The following AMOT variants were observed in gnomAD, a reference collection of about 807,000 sequenced individuals.
AMOT encodes the protein angiomotin.
In AMOT, 11 loss-of-function variants were observed where a neutral mutation model predicts 67.0. The ratio of observed to expected loss-of-function variants is 0.16; its 90% CI spans 0.10 to 0.27. The LOEUF (loss-of-function observed/expected upper bound fraction) is 0.27. AMOT is among the 10% of genes least tolerant of loss of function. AMOT has a pLI of 1.00. For synonymous variants in AMOT, 326 were observed against 321.4 expected, an observed-to-expected ratio of 1.01 and a Z score of -0.15; for missense variants, 753 against 852.0, an observed-to-expected ratio of 0.88 and a Z score of 1.45.
rs769052525 is a variant in AMOT, at chrX:112,791,791, TCTTA to T, written c.1926+37_1926+40del. The T allele has an allele frequency of 3.3e-5, 40 of 1,196,013 alleles. No homozygotes were observed. The South Asian group carries it at 7.2e-4, about 21-fold the overall frequency. On this transcript the variant is annotated intron_variant, in intron 9 of 13. Coordinates refer to ENST00000371959, the MANE Select transcript of AMOT (RefSeq NM_001113490.2). ...TAAGCAACCAGGAATAATGTCATTT[TCTTA>T]CTTTTTTTTCCCTTTCTTCCTTTAA...
chrX:112,834,757 C>G (rs1395939783), intron 1 of AMOT, among the ~76,000 whole-genome samples: 2 of 112,934 alleles, frequency 1.8e-5, no homozygotes, highest in Admixed American at 1.9e-4. Flanking sequence ...CGCACACACA[C>G]AGAAGTTTGC....
intron 2 of AMOT, among the ~76,000 whole-genome samples, chrX:112,829,345 C>T (rs915232385): frequency 2.7e-5 from 3 of 110,498 alleles, no homozygotes; most frequent in African/African-American, 9.9e-5. Flanking sequence ...TGGCATCTTC[C>T]CCCGTTGTCT....
chrX:112,803,336 T>C lies in AMOT; in HGVS notation c.1776+1611A>G, dbSNP rs141058682. On this transcript the variant is annotated intron_variant, in intron 8 of 13. Coordinates refer to ENST00000371959, the MANE Select transcript of AMOT (RefSeq NM_001113490.2). ...TCTTCGCAGCAGGTCTCTTAGCTTG[T>C]CCTTCTCTAAAAGAATTCAGTCTTA... is the stretch of plus-strand genomic sequence containing the variant. Among the ~76,000 whole-genome samples, 816 of 111,752 alleles carry C rather than the reference T, an allele frequency of 7.3e-3. 10 individuals carry two copies. The highest frequency in any genetic ancestry group is 0.025 in the African/African-American group (773 of 30,761).
intron 8 of AMOT, 29 bp downstream of exon 8, chrX:112,804,918 G>A (rs1934124614): frequency 5.2e-6 from 2 of 388,332 alleles, no homozygotes; most frequent in Admixed American, 2.6e-5. Flanking sequence ...CCCACCCCCA[G>A]GCTCATATGC....
rs1310876339 is a variant in AMOT at position 112,777,272 on chromosome X, C to T, written c.*1295G>A. On this transcript the variant is annotated 3_prime_UTR_variant, in exon 14 of 14. Transcript: ENST00000371959. Reference sequence around the variant, plus strand: ...GGGACCTGTGGCAACTGGCATCCTTCTGTGTCCTTGGAGGCAGCCCTATGG... The same window carrying T: ...GGGACCTGTGGCAACTGGCATCCTTTTGTGTCCTTGGAGGCAGCCCTATGG... 8.9e-6 allele frequency: 1 copy of T among 111,734 alleles called. No homozygotes were observed. Among genetic ancestry groups the T allele is most frequent in the East Asian group, 2.8e-4 (1 of 3,532 alleles). 9.2% of individuals were successfully genotyped at this position (111,734 alleles called of 1,213,427 possible). A position where few individuals can be genotyped will look rare whatever the true frequency, so the allele number is the denominator to read the frequency against.
At chrX:112,783,472 G>A (rs1404093436) in intron 10 of AMOT, among the ~76,000 whole-genome samples, 1 of 110,767 alleles carries the variant, frequency 9.0e-6, no homozygotes, top group African/African-American at 3.3e-5. Context: ...CATCAGCTAA[G>A]ATTAGGTAGG....
intron 1 of AMOT, among the ~76,000 whole-genome samples, chrX:112,839,379 G>A (rs1179641937): frequency 1.8e-5 from 2 of 112,312 alleles, no homozygotes; most frequent in African/African-American, 6.5e-5. Context: ...CCTAGCTCAA[G>A]GAGACTTAAA....
chrX:112,788,684 G>A (rs1319199542), intron 10 of AMOT, among the ~76,000 whole-genome samples: 1 of 111,705 alleles, frequency 9.0e-6, no homozygotes, highest in Non-Finnish European at 1.9e-5. Flanking sequence ...CATCTCCTGT[G>A]GATTGGATTA....
In AMOT at chrX:112,811,375, G is replaced by A. The variant is rs145050754; in HGVS notation, c.1411C>T (p.Arg471Cys). The A allele has an allele frequency of 5.0e-6, 6 of 1,205,091 alleles. No individual in the cohort carries two copies. In the African/African-American group the frequency reaches 5.3e-5, roughly 11 times the overall value. The change falls in exon 6 of 14, where the codon CGC becomes TGC. Residue 471 changes from arginine to cysteine, a missense_variant. Arg to Cys is a radical substitution (Grantham distance 180). Around this residue, in one of 5 missense-constraint regions of AMOT, gnomAD observed 297 missense variants for 284.3 expected, o/e 1.04. Transcript: ENST00000371959. ...RLQKVETEIQ[R>C]VSEAYENLVK... ...AGGTTCTCATATGCCTCCGAGACGC[G>A]CTGGATTTCTGTCTCCACCTTAACA...
intron 1 of AMOT, among the ~76,000 whole-genome samples, chrX:112,832,872 C>G (rs182286970): frequency 9.0e-6 from 1 of 111,243 alleles, no homozygotes; most frequent in East Asian, 2.8e-4. Flanking sequence ...GGTGTATGGA[C>G]AGGAGCCAGC....
intron 8 of AMOT, among the ~76,000 whole-genome samples, chrX:112,794,409 G>A (rs777975718): frequency 8.9e-6 from 1 of 111,766 alleles, no homozygotes; most frequent in Admixed American, 9.5e-5. Context: ...CCACAAGGTA[G>A]CAAGACCACT....
At chrX:112,815,115 G>C (rs1182417912) in intron 5 of AMOT, among the ~76,000 whole-genome samples, 2 of 111,653 alleles carry the variant, frequency 1.8e-5, no homozygotes, top group African/African-American at 6.5e-5. Context: ...TAGGGCTATA[G>C]CGTCTGGAAA....
chrX:112,823,219 C>A, intron 3 of AMOT, 31 bp from the exon 4 acceptor site: 1 of 884,513 alleles, frequency 1.1e-6, no homozygotes, highest in Non-Finnish European at 1.5e-6. Flanking sequence ...GCTTAACACC[C>A]AGTTGATGGA....
intron 10 of AMOT, among the ~76,000 whole-genome samples, chrX:112,785,591 AAAATTATTAGAGCTTTCC>A (rs1186076857): frequency 1.8e-5 from 2 of 112,113 alleles, no homozygotes; most frequent in Non-Finnish European, 3.8e-5. Flanking sequence ...ATAGGCGCTG[AAAATTATTAGAGCTTTCC>A]AAGGGAATAA....
intron 2 of AMOT, among the ~76,000 whole-genome samples, chrX:112,831,746 A>G (rs1182558168): frequency 9.1e-6 from 1 of 110,274 alleles, no homozygotes; most frequent in African/African-American, 3.3e-5. Context: ...TATGGATGAC[A>G]GCTAAGGTCA....
rs1364984398 is a variant in AMOT, at chrX:112,777,900, A to C, written c.*667T>G. ...TACTCCAGAGCATATATATGAATGT[A>C]TGAACCTCCAGGAGGGAACCAAAAG... On this transcript the variant is annotated 3_prime_UTR_variant, in exon 14 of 14. Coordinates refer to ENST00000371959, the MANE Select transcript of AMOT (RefSeq NM_001113490.2). 8.9e-6 allele frequency: 1 copy of C among 112,421 alleles called. No homozygotes were observed. Among genetic ancestry groups the C allele is most frequent in the Non-Finnish European group, 1.9e-5 (1 of 53,304 alleles). The allele number at this position is 112,421 out of a possible 1,213,427, so 9.3% of individuals were successfully genotyped here. A position where few individuals can be genotyped will look rare whatever the true frequency, so the allele number is the denominator to read the frequency against.
At chrX:112,784,964 T>C (rs1003187242) in intron 10 of AMOT, among the ~76,000 whole-genome samples, 5 of 111,949 alleles carry the variant, frequency 4.5e-5, no homozygotes, top group African/African-American at 1.3e-4. Flanking sequence ...TCCTCAGGAA[T>C]GGAGCCTGAA....
chrX:112,807,598 A>G (rs1229759550), intron 7 of AMOT, among the ~76,000 whole-genome samples: 3 of 111,421 alleles, frequency 2.7e-5, no homozygotes, highest in Admixed American at 9.6e-5. Context: ...AGCAGAAAGA[A>G]AGACATGTTA....
At chrX:112,782,758 T>A in intron 10 of AMOT, 96 bp from the exon 11 acceptor site, 1 of 1,040,813 alleles carries the variant, frequency 9.6e-7, no homozygotes, top group Non-Finnish European at 1.3e-6. Flanking sequence ...TGGAAAGTCC[T>A]AAGCTGAAAT....
Sources: gnomAD v4.1 joint callset for allele counts (sites outside exome capture counted in the v4.1 genomes callset) on GRCh38, gnomAD v4.1.1 for gene constraint, gnomAD v4.1.1 regional missense constraint, MANE v1.5 for transcripts, NCBI Gene and HGNC (gene_info 2026-07-23, HGNC 2026-07-21) for gene names.